SDK1: variants seen among roughly 807,000 people sequenced by gnomAD.
SDK1 encodes sidekick cell adhesion molecule 1.
Under a neutral mutation model 245.5 loss-of-function variants are expected in SDK1, and 157 were observed. The observed-to-expected ratio is 0.64, with a 90% confidence interval of 0.56 to 0.73. The LOEUF (loss-of-function observed/expected upper bound fraction) is 0.73, where lower values mean the gene tolerates loss of function less well. SDK1 is among the 30% of genes least tolerant of loss of function. The pLI, the probability that SDK1 is intolerant of heterozygous loss-of-function variation, is 0.00. For synonymous variants in SDK1, 1,647 were observed against 1,278.5 expected (o/e 1.29, Z -6.15); for missense variants, 3,583 against 3,002.3 (o/e 1.19, Z -4.52).
At chr7:4,110,167 G>A (rs1277561998) in intron 22 of SDK1, among the ~76,000 whole-genome samples, 1 of 152,208 alleles carries the variant, frequency 6.6e-6, no homozygotes, top group Non-Finnish European at 1.5e-5. Flanking sequence ...CCGTGGGCCA[G>A]CAATGGTGTC....
chr7:3,818,029 G>T (rs1779552530), intron 4 of SDK1, among the ~76,000 whole-genome samples: 1 of 152,218 alleles, frequency 6.6e-6, no homozygotes, highest in Admixed American at 6.5e-5. Context: ...TGATGTAGCA[G>T]TGTCTTCTCC....
chr7:3,487,951 G>A (rs17150663), intron 1 of SDK1, among the ~76,000 whole-genome samples: 1 of 151,940 alleles, frequency 6.6e-6, no homozygotes, highest in Non-Finnish European at 1.5e-5. Flanking sequence ...AGTGTTTGTA[G>A]CATCTGTGTC....
intron 1 of SDK1, among the ~76,000 whole-genome samples, chr7:3,466,938 T>G (rs972902980): frequency 7.3e-5 from 11 of 151,248 alleles, no homozygotes; most frequent in Non-Finnish European, 1.3e-4. Flanking sequence ...TCCTTAGTAT[T>G]TTGTCTCTAG....
chr7:3,994,874 C>G (rs1015782516), intron 14 of SDK1, among the ~76,000 whole-genome samples: 1 of 152,072 alleles, frequency 6.6e-6, no homozygotes, highest in African/African-American at 2.4e-5. Context: ...GCCACCAGAG[C>G]GAGCTCAGTA....
At chr7:3,803,928 T>C (rs13225578) in intron 4 of SDK1, among the ~76,000 whole-genome samples, 19,646 of 151,246 alleles carry the variant, frequency 0.13, 2,486 homozygotes, top group African/African-American at 0.34. Flanking sequence ...CCACGCCTGG[T>C]TAATTTTTTG....
chr7:3,817,923 G>A (rs909279274), intron 4 of SDK1, among the ~76,000 whole-genome samples: 2 of 152,202 alleles, frequency 1.3e-5, no homozygotes, highest in African/African-American at 4.8e-5. Flanking sequence ...TTGCTCATCA[G>A]TCTCAGCAAT....
At chr7:3,389,029 G>T (rs57823932) in intron 1 of SDK1, among the ~76,000 whole-genome samples, 1 of 152,080 alleles carries the variant, frequency 6.6e-6, no homozygotes, top group Admixed American at 6.6e-5. Flanking sequence ...TTTTGGTAGC[G>T]TAGTTTGGAA....
At chr7:4,171,756 T>C (rs659880) in intron 32 of SDK1, among the ~76,000 whole-genome samples, 42,845 of 151,986 alleles carry the variant, frequency 0.28, 8,084 homozygotes, top group African/African-American at 0.53. Context: ...AATTTGGAGC[T>C]AGATGCCGGG....
intron 17 of SDK1, among the ~76,000 whole-genome samples, chr7:4,039,172 G>T (rs967450524): frequency 6.8e-6 from 1 of 146,148 alleles, no homozygotes; most frequent in Non-Finnish European, 1.5e-5. Flanking sequence ...GGAGCGGGGA[G>T]GGATAGCATT....
chr7:4,076,813 T>C (rs1780711440), intron 20 of SDK1, among the ~76,000 whole-genome samples, 185 bp from the exon 21 acceptor site: 1 of 152,064 alleles, frequency 6.6e-6, no homozygotes, highest in South Asian at 2.1e-4. Flanking sequence ...CGAGATCGCA[T>C]TGGGCACACA....
chr7:3,722,439 C>G (rs535078074), intron 4 of SDK1, among the ~76,000 whole-genome samples: 2 of 152,106 alleles, frequency 1.3e-5, no homozygotes, highest in Non-Finnish European at 2.9e-5. Context: ...AGCCTTTAAT[C>G]AGGGAAGCTT....
At chr7:3,398,101 T>C (rs1167373446) in intron 1 of SDK1, among the ~76,000 whole-genome samples, 1 of 151,906 alleles carries the variant, frequency 6.6e-6, no homozygotes, top group Admixed American at 6.6e-5. Flanking sequence ...ACTGTAGGTT[T>C]AACGTTTTCT....
At chr7:4,212,425 A>C (rs1280672183) in intron 38 of SDK1, among the ~76,000 whole-genome samples, 1 of 152,216 alleles carries the variant, frequency 6.6e-6, no homozygotes, top group East Asian at 1.9e-4. Context: ...AAGAAAAAAA[A>C]AATCACGTCT....
intron 28 of SDK1, among the ~76,000 whole-genome samples, chr7:4,136,637 C>T (rs373476807): frequency 3.3e-5 from 5 of 152,226 alleles, no homozygotes; most frequent in African/African-American, 1.2e-4. Context: ...ACAGACGTCC[C>T]TCCCTCACCC....
At position 3,990,806 on chromosome 7, in the gene SDK1, C is replaced by T. The variant is rs566357493; in HGVS notation, c.2131+3484C>T. Among the ~76,000 whole-genome samples the T allele has an allele frequency of 6.6e-5, 10 of 152,334 alleles. No homozygotes were observed. In the South Asian group the frequency reaches 2.1e-3, roughly 32 times the overall value. ...CGTCTTCCAAAACAGAGGCATTCTA[C>T]CTTCCCCCGTTTCCATGAAAGAAGG... On this transcript the variant is annotated intron_variant, in intron 14 of 44. Transcript: ENST00000404826.
At chr7:3,359,197 G>C (rs1314295510) in intron 1 of SDK1, among the ~76,000 whole-genome samples, 1 of 152,116 alleles carries the variant, frequency 6.6e-6, no homozygotes, top group African/African-American at 2.4e-5. Context: ...TGGATTGCTA[G>C]TGGTGTGTGG....
At chr7:3,784,049 G>A (rs927965520) in intron 4 of SDK1, among the ~76,000 whole-genome samples, 1 of 151,364 alleles carries the variant, frequency 6.6e-6, no homozygotes, top group Non-Finnish European at 1.5e-5. Context: ...CCATGCATAT[G>A]ATTTAAATTT....
intron 4 of SDK1, among the ~76,000 whole-genome samples, chr7:3,771,072 T>C (rs183860509): frequency 1.3e-3 from 195 of 152,224 alleles, no homozygotes; most frequent in African/African-American, 4.5e-3. Flanking sequence ...GAAAGTCAAA[T>C]AGGTGGCTCT....
chr7:4,105,382 C>T (rs181979372), intron 22 of SDK1, among the ~76,000 whole-genome samples: 17 of 152,124 alleles, frequency 1.1e-4, no homozygotes, highest in African/African-American at 3.9e-4. Context: ...TCTCAGCTCA[C>T]TGCATCCTCC....
Sources: gnomAD v4.1 joint callset for allele counts (sites outside exome capture counted in the v4.1 genomes callset) on GRCh38, gnomAD v4.1.1 for gene constraint, MANE v1.5 for transcripts, NCBI Gene and HGNC (gene_info 2026-07-23, HGNC 2026-07-21) for gene names.